MDGA2: variants seen among roughly 807,000 people sequenced by gnomAD.
MDGA2 encodes MAM domain containing glycosylphosphatidylinositol anchor 2.
MDGA2 carries 40 observed loss-of-function variants against 117.8 expected under a neutral mutation model. The observed-to-expected ratio is 0.34, with a 90% CI of 0.26 to 0.44. The LOEUF (loss-of-function observed/expected upper bound fraction) is 0.44, where lower values mean the gene tolerates loss of function less well. MDGA2 is among the 20% of genes least tolerant of loss of function. MDGA2 has a pLI of 1.00. For missense variants in MDGA2, 1,123 were observed against 1,250.6 expected (o/e 0.90, Z 1.54); for synonymous variants, 452 against 439.0 (o/e 1.03, Z -0.37).
chr14:47,431,126 C>T (rs1892789739), intron 1 of MDGA2, among the ~76,000 whole-genome samples: 1 of 151,920 alleles, frequency 6.6e-6, no homozygotes, highest in Non-Finnish European at 1.5e-5. Context: ...TTTTTATTTT[C>T]ATGTACATAT....
At chr14:47,483,361 G>A (rs548022473) in intron 1 of MDGA2, among the ~76,000 whole-genome samples, 18 of 152,080 alleles carry the variant, frequency 1.2e-4, no homozygotes, top group Non-Finnish European at 1.8e-4. Context: ...ATGAGCAAGA[G>A]CCTGCTTCAT....
rs149751960 is a variant in MDGA2 at position 47,320,107 on chromosome 14, C to T, written c.281-18557G>A. On this transcript the variant is annotated intron_variant, in intron 1 of 16. Coordinates refer to ENST00000399232, the MANE Select transcript of MDGA2 (RefSeq NM_001113498.3). Reference sequence around the variant, plus strand: ...TTACAGCCCTCAGAAGAAACCAACCCTGTGGACACCTTGATCTTGGACTTA... The same window carrying T: ...TTACAGCCCTCAGAAGAAACCAACCTTGTGGACACCTTGATCTTGGACTTA... Among the ~76,000 whole-genome samples, 284 of 152,258 alleles carry T rather than the reference C, an allele frequency of 1.9e-3. 3 individuals are homozygous for T. The highest frequency in any genetic ancestry group is 6.7e-3 in the African/African-American group (279 of 41,562).
At position 47,365,913 on chromosome 14, in the gene MDGA2, C is replaced by A. The variant is rs150252580; in HGVS notation, c.281-64363G>T. Among the ~76,000 whole-genome samples, 3 of 152,310 alleles carry A rather than the reference C, an allele frequency of 2.0e-5. No homozygotes were observed. The East Asian group carries it at 5.8e-4, about 29-fold the overall frequency. On this transcript the variant is annotated intron_variant, in intron 1 of 16. Transcript: ENST00000399232. ...AATATTTCCTCATACATCAATACTT[C>A]TAACTCTTTCGTCATTTTTGTGGCT... is the stretch of plus-strand genomic sequence containing the variant.
chr14:47,119,256 G>A (rs533702517), intron 5 of MDGA2, among the ~76,000 whole-genome samples: 5 of 148,964 alleles, frequency 3.4e-5, no homozygotes, highest in Admixed American at 6.8e-5. Context: ...TAGTAGAGAC[G>A]GGGTTTCACC....
In MDGA2 at chr14:46,964,962, C is replaced by T. The variant is rs1309449229; in HGVS notation, c.1820-7319G>A. ...TTTTTGAGACAGAGTCTCGCTCTGT[C>T]GTCCAGGCTGGAGTGCAGTGGCACG... is the stretch of plus-strand genomic sequence containing the variant. On this transcript the variant is annotated intron_variant, in intron 8 of 16. Transcript: ENST00000399232. Among the ~76,000 whole-genome samples the T allele has an allele frequency of 1.3e-3, 127 of 99,172 alleles. 11 individuals carry two copies. Among genetic ancestry groups the T allele is most frequent in the African/African-American group, 7.0e-3 (117 of 16,614 alleles). 65.1% of individuals were successfully genotyped at this position (99,172 alleles called of 152,430 possible). A position where few individuals can be genotyped will look rare whatever the true frequency, so the allele number is the denominator to read the frequency against.
chr14:47,387,334 C>G (rs1198930236), intron 1 of MDGA2, among the ~76,000 whole-genome samples: 3 of 151,990 alleles, frequency 2.0e-5, no homozygotes, highest in African/African-American at 4.8e-5. Context: ...CCAAACCCAC[C>G]CCTCTATCTT....
chr14:47,197,702 G>C (rs1309927663), intron 3 of MDGA2, among the ~76,000 whole-genome samples: 1 of 151,830 alleles, frequency 6.6e-6, no homozygotes, highest in Non-Finnish European at 1.5e-5. Flanking sequence ...CGAGGTCAGG[G>C]GTTCGAAACC....
intron 2 of MDGA2, among the ~76,000 whole-genome samples, chr14:47,220,218 CCTAA>C (rs1886248668): frequency 6.6e-6 from 1 of 151,972 alleles, no homozygotes; most frequent in Non-Finnish European, 1.5e-5. Flanking sequence ...AAGTCACATG[CCTAA>C]CTGATGAGAA....
intron 1 of MDGA2, among the ~76,000 whole-genome samples, chr14:47,670,081 T>C (rs912568479): frequency 6.6e-6 from 1 of 152,228 alleles, no homozygotes; most frequent in African/African-American, 2.4e-5. Flanking sequence ...GTCCAGCTAC[T>C]GCCTGGGCTG....
intron 1 of MDGA2, among the ~76,000 whole-genome samples, chr14:47,442,408 G>A (rs1258186614): frequency 6.6e-6 from 1 of 152,072 alleles, no homozygotes; most frequent in Non-Finnish European, 1.5e-5. Flanking sequence ...GACAGGACAG[G>A]AGTTTCCAGC....
At chr14:46,865,106 C>A (rs1018550406) in intron 14 of MDGA2, among the ~76,000 whole-genome samples, 3 of 151,962 alleles carry the variant, frequency 2.0e-5, no homozygotes, top group Non-Finnish European at 4.4e-5. Context: ...GAATTCTAAT[C>A]AGAAGAAATA....
At chr14:47,171,401 A>G (rs1162303830) in intron 3 of MDGA2, among the ~76,000 whole-genome samples, 1 of 152,216 alleles carries the variant, frequency 6.6e-6, no homozygotes, top group African/African-American at 2.4e-5. Context: ...CACTGTTACC[A>G]TTGAGAGAAT....
intron 1 of MDGA2, among the ~76,000 whole-genome samples, chr14:47,630,819 T>C (rs1897240587): frequency 6.6e-6 from 1 of 152,218 alleles, no homozygotes; most frequent in Non-Finnish European, 1.5e-5. Context: ...AAGATTCTTT[T>C]CTATCTGGAT....
intron 8 of MDGA2, among the ~76,000 whole-genome samples, chr14:47,009,264 T>C (rs985983520): frequency 6.6e-6 from 1 of 152,068 alleles, no homozygotes; most frequent in Non-Finnish European, 1.5e-5. Flanking sequence ...TAATACATGA[T>C]AGAAATACTC....
intron 5 of MDGA2, among the ~76,000 whole-genome samples, chr14:47,131,196 T>C (rs1882187987): frequency 6.6e-6 from 1 of 152,048 alleles, no homozygotes; most frequent in African/African-American, 2.4e-5. Flanking sequence ...ACCGTTATTC[T>C]GGGGTCTATA....
chr14:47,643,116 C>T (rs1248390557), intron 1 of MDGA2, among the ~76,000 whole-genome samples: 1 of 152,004 alleles, frequency 6.6e-6, no homozygotes, highest in Admixed American at 6.6e-5. Flanking sequence ...GATTATATTC[C>T]TTCCTTATAC....
intron 8 of MDGA2, among the ~76,000 whole-genome samples, chr14:47,005,863 C>T (rs1594518876): frequency 6.6e-6 from 1 of 151,342 alleles, no homozygotes; most frequent in African/African-American, 2.4e-5. Context: ...TTATAAGCCA[C>T]GTGTAGTATT....
chr14:47,249,417 A>G lies in MDGA2; in HGVS notation c.421-31222T>C, dbSNP rs543715382. The stretch of plus-strand genomic sequence containing the variant: ...ACTCACTGCAGCCTCCACCACTGGC[A>G]CTCAAGCAATCCTCCCACCTCGGCC... On this transcript the variant is annotated intron_variant, in intron 2 of 16. Coordinates refer to ENST00000399232, the MANE Select transcript of MDGA2 (RefSeq NM_001113498.3). Among the ~76,000 whole-genome samples the G allele has an allele frequency of 2.2e-4, 34 of 152,120 alleles. No homozygotes were observed. The South Asian group carries it at 6.6e-3, about 30-fold the overall frequency.
intron 14 of MDGA2, among the ~76,000 whole-genome samples, chr14:46,865,964 GC>G (rs1223364315): frequency 4.0e-5 from 6 of 151,326 alleles, no homozygotes; most frequent in Admixed American, 2.0e-4. Context: ...TGGCCATACT[GC>G]CCAAGGTAAT....
Sources: gnomAD v4.1 joint callset for allele counts (sites outside exome capture counted in the v4.1 genomes callset) on GRCh38, gnomAD v4.1.1 for gene constraint, MANE v1.5 for transcripts, NCBI Gene and HGNC (gene_info 2026-07-23, HGNC 2026-07-21) for gene names.